C12orf42: variants seen among roughly 807,000 people sequenced by gnomAD.
C12orf42 encodes the protein uncharacterized protein C12orf42.
C12orf42 carries 25 observed loss-of-function variants against 21.6 expected under a neutral mutation model. The observed-to-expected ratio is 1.16, with a 90% CI of 0.84 to 1.62. The LOEUF (loss-of-function observed/expected upper bound fraction) is 1.62. Ranked by LOEUF, C12orf42 falls within the 40% of genes most tolerant of loss-of-function variation. C12orf42 has a pLI of 0.00. For synonymous variants in C12orf42, 174 were observed against 175.0 expected (o/e 0.99, Z 0.05); for missense variants, 483 against 459.3 (o/e 1.05, Z -0.47).
the C12orf42 span, among the ~76,000 whole-genome samples, chr12:103,546,313 C>T: frequency 1.3e-5 from 2 of 152,140 alleles, no homozygotes; most frequent in South Asian, 2.1e-4. Context: ...CCAATATTGT[C>T]TCATTGAGCT....
At chr12:103,183,223 A>G in the C12orf42 span, among the ~76,000 whole-genome samples, 1 of 152,234 alleles carries the variant, frequency 6.6e-6, no homozygotes, top group African/African-American at 2.4e-5. Flanking sequence ...CTGGAACTAC[A>G]GGCACATGCC....
At chr12:103,169,003 C>A in the C12orf42 span, among the ~76,000 whole-genome samples, 36 of 151,624 alleles carry the variant, frequency 2.4e-4, 1 homozygote, top group Admixed American at 1.6e-3. Context: ...CACACTGGAG[C>A]CTGTTGGGGG....
the C12orf42 span, among the ~76,000 whole-genome samples, chr12:103,163,419 T>C: frequency 6.6e-6 from 1 of 152,178 alleles, no homozygotes; most frequent in Non-Finnish European, 1.5e-5. Context: ...GTTGGTTTTA[T>C]TACCCCTTAA....
chr12:103,537,192 T>A, the C12orf42 span, among the ~76,000 whole-genome samples: 441 of 152,276 alleles, frequency 2.9e-3, 2 homozygotes, highest in African/African-American at 0.01. Context: ...AAAGACAGCT[T>A]CCAGTTCTAG....
chr12:103,080,202 G>A, the C12orf42 span, among the ~76,000 whole-genome samples: 1 of 152,156 alleles, frequency 6.6e-6, no homozygotes, highest in Non-Finnish European at 1.5e-5. Flanking sequence ...GGGGCGGCCA[G>A]GTCAGTAAAT....
At chr12:103,290,084 G>A (rs1293387968) in intron 4 of C12orf42, among the ~76,000 whole-genome samples, 4 of 152,096 alleles carry the variant, frequency 2.6e-5, no homozygotes, top group South Asian at 2.1e-4. Flanking sequence ...CAAGAAGTAC[G>A]GCTTCACCAC....
chr12:103,498,217 T>C (rs896181851), upstream of C12orf42, among the ~76,000 whole-genome samples: 1 of 152,226 alleles, frequency 6.6e-6, no homozygotes, highest in African/African-American at 2.4e-5. Flanking sequence ...CAAAGTATCA[T>C]GAAGTACAGA....
the C12orf42 span, among the ~76,000 whole-genome samples, chr12:103,192,921 T>C: frequency 4.5e-4 from 68 of 152,212 alleles, no homozygotes; most frequent in African/African-American, 1.6e-3. Context: ...AACATTCCAC[T>C]CAACAGCAGA....
intron 4 of C12orf42, among the ~76,000 whole-genome samples, chr12:103,320,640 A>G (rs2039993907): frequency 6.6e-6 from 1 of 152,262 alleles, no homozygotes; most frequent in Non-Finnish European, 1.5e-5. Context: ...AATTGTGCTT[A>G]GAGACGGTTC....
chr12:103,258,143 T>C (rs2136216456), intron 10 of C12orf42, among the ~76,000 whole-genome samples: 1 of 152,242 alleles, frequency 6.6e-6, no homozygotes, highest in East Asian at 1.9e-4. Context: ...ACACAAACTT[T>C]CATCAACATT....
At chr12:103,463,402 G>A (rs1024646643) in intron 2 of C12orf42, among the ~76,000 whole-genome samples, 2 of 152,160 alleles carry the variant, frequency 1.3e-5, no homozygotes, top group Non-Finnish European at 2.9e-5. Flanking sequence ...GACTAGAATA[G>A]GAAATTTAGT....
At chr12:103,246,285 C>T (rs1227299254) in intron 10 of C12orf42, among the ~76,000 whole-genome samples, 2 of 152,058 alleles carry the variant, frequency 1.3e-5, no homozygotes, top group Non-Finnish European at 2.9e-5. Context: ...TATCACCTCT[C>T]TCAATACCAA....
At chr12:103,173,926 T>A in the C12orf42 span, among the ~76,000 whole-genome samples, 1 of 152,172 alleles carries the variant, frequency 6.6e-6, no homozygotes, top group Non-Finnish European at 1.5e-5. Context: ...ATACAGGACA[T>A]CTTATCTGCA....
intron 4 of C12orf42, among the ~76,000 whole-genome samples, chr12:103,342,746 C>G (rs1261392704): frequency 6.8e-6 from 1 of 147,958 alleles, no homozygotes; most frequent in Non-Finnish European, 1.5e-5. Context: ...GCAAGGACAG[C>G]TGAACTGCAT....
intron 3 of C12orf42, among the ~76,000 whole-genome samples, chr12:103,394,462 C>T (rs1239529080): frequency 6.6e-6 from 1 of 152,188 alleles, no homozygotes; most frequent in Non-Finnish European, 1.5e-5. Flanking sequence ...TTAACAGTTG[C>T]TGTGGAAAAG....
At chr12:103,521,509 AAC>A in the C12orf42 span, among the ~76,000 whole-genome samples, 2 of 152,092 alleles carry the variant, frequency 1.3e-5, no homozygotes, top group African/African-American at 4.8e-5. Context: ...GGAGGTGAAC[AAC>A]ACACACTGGG....
At chr12:103,494,177 C>T (rs937336934) in intron 1 of C12orf42, among the ~76,000 whole-genome samples, 10 of 152,196 alleles carry the variant, frequency 6.6e-5, no homozygotes, top group African/African-American at 2.4e-4. Context: ...GGCCCTCTCG[C>T]CTCCCTTTGT....
intron 3 of C12orf42, among the ~76,000 whole-genome samples, chr12:103,375,849 C>T (rs535343755): frequency 6.6e-6 from 1 of 152,148 alleles, no homozygotes; most frequent in Non-Finnish European, 1.5e-5. Context: ...GTCAAATGGA[C>T]AAGGTCAAAG....
chr12:103,177,077 A>G, the C12orf42 span, among the ~76,000 whole-genome samples: 1 of 152,170 alleles, frequency 6.6e-6, no homozygotes, highest in Admixed American at 6.5e-5. Context: ...TTCTTCTGTT[A>G]GGATAGCACT....
Sources: gnomAD v4.1 joint callset for allele counts (sites outside exome capture counted in the v4.1 genomes callset) on GRCh38, gnomAD v4.1.1 for gene constraint, MANE v1.5 for transcripts, NCBI Gene and HGNC (gene_info 2026-07-23, HGNC 2026-07-21) for gene names.